Variants in TENM4 observed in about 807,000 individuals in gnomAD.
The protein encoded by TENM4 is teneurin-4.
TENM4 carries 82 observed loss-of-function variants against 243.3 expected under a neutral mutation model. The ratio of observed to expected loss-of-function variants is 0.34; its 90% CI spans 0.28 to 0.40. The LOEUF (loss-of-function observed/expected upper bound fraction) is 0.40. TENM4 is among the 10% of genes least tolerant of loss of function. The pLI is 1.00. For synonymous variants in TENM4, 1,412 were observed against 1,456.3 expected (o/e 0.97, Z 0.69); for missense variants, 3,138 against 3,673.3 (o/e 0.85, Z 3.77).
Position 78,764,966 on chromosome 11 carries a change from C to T in TENM4, c.2539+6026G>A, listed in dbSNP as rs114615273. ...TGGGCGGGGGCAAGGTGGGGCAATC[C>T]GTGGCCTAGTAAACTCTTTGTACTG... On this transcript the variant is annotated intron_variant, in intron 18 of 33. Transcript: ENST00000278550. Among the ~76,000 whole-genome samples the T allele has an allele frequency of 9.3e-3, 1,422 of 152,216 alleles. 14 individuals are homozygous for T. The highest frequency in any genetic ancestry group is 0.032 in the African/African-American group (1,316 of 41,536).
intron 1 of TENM4, among the ~76,000 whole-genome samples, chr11:79,406,543 A>C (rs182890905): frequency 2.6e-5 from 4 of 152,210 alleles, no homozygotes; most frequent in African/African-American, 9.7e-5. Context: ...GTGAAACAAG[A>C]CTTTCTCACC....
intron 7 of TENM4, among the ~76,000 whole-genome samples, chr11:78,891,588 G>A (rs1260831488): frequency 6.6e-6 from 1 of 152,188 alleles, no homozygotes; most frequent in African/African-American, 2.4e-5. Context: ...GTTCTCACTG[G>A]AGAGGACTGA....
chr11:79,255,925 T>C (rs1270661606), intron 2 of TENM4, among the ~76,000 whole-genome samples: 1 of 152,174 alleles, frequency 6.6e-6, no homozygotes, highest in Non-Finnish European at 1.5e-5. Context: ...CAGTCTTTGC[T>C]CCTCCAGCTC....
At chr11:78,946,595 T>C (rs1385789800) in intron 6 of TENM4, among the ~76,000 whole-genome samples, 11 of 152,208 alleles carry the variant, frequency 7.2e-5, no homozygotes, top group Non-Finnish European at 1.6e-4. Flanking sequence ...TATAAGACTA[T>C]AGCTGCCATA....
chr11:79,265,025 G>A (rs1397078024), intron 2 of TENM4, among the ~76,000 whole-genome samples: 1 of 152,210 alleles, frequency 6.6e-6, no homozygotes, highest in Non-Finnish European at 1.5e-5. Context: ...GCCTGTAGAC[G>A]AAGCATAACA....
intron 27 of TENM4, among the ~76,000 whole-genome samples, chr11:78,707,368 G>A (rs770674029): frequency 3.9e-5 from 6 of 152,220 alleles, no homozygotes; most frequent in Non-Finnish European, 8.8e-5. Flanking sequence ...CTAAGGACAT[G>A]CTGGATAGCC....
chr11:79,129,773 C>T (rs1294879034), intron 4 of TENM4, among the ~76,000 whole-genome samples: 5 of 152,140 alleles, frequency 3.3e-5, no homozygotes, highest in Non-Finnish European at 7.3e-5. Context: ...CTAGCCCTGC[C>T]CCCGACCTGA....
intron 1 of TENM4, among the ~76,000 whole-genome samples, chr11:79,337,941 C>T (rs1857174935): frequency 6.6e-6 from 1 of 152,222 alleles, no homozygotes; most frequent in Non-Finnish European, 1.5e-5. Context: ...AGGGTCCTTC[C>T]TCCATGGCCC....
chr11:78,869,215 T>C (rs1859062814), intron 9 of TENM4, among the ~76,000 whole-genome samples: 1 of 149,698 alleles, frequency 6.7e-6, no homozygotes. Context: ...GGATGGAATA[T>C]AAGGCAATCA....
chr11:78,815,982 G>A (rs1202619818), intron 12 of TENM4, among the ~76,000 whole-genome samples: 1 of 152,222 alleles, frequency 6.6e-6, no homozygotes, highest in East Asian at 1.9e-4. Flanking sequence ...GGGGAAATGA[G>A]CAAGGCAGAT....
intron 2 of TENM4, among the ~76,000 whole-genome samples, chr11:79,264,590 A>G (rs770032092): frequency 3.3e-5 from 5 of 152,056 alleles, no homozygotes; most frequent in African/African-American, 4.8e-5. Flanking sequence ...TGGGGAAAAC[A>G]TCAGTGGGTT....
intron 24 of TENM4, among the ~76,000 whole-genome samples, chr11:78,721,745 C>T (rs1859658830): frequency 1.3e-5 from 2 of 152,198 alleles, no homozygotes; most frequent in African/African-American, 4.8e-5. Context: ...TAGGGCCTGT[C>T]CTGCTCACAT....
chr11:78,913,620 TGTGTGTGTGA>T (rs1444892639), intron 6 of TENM4, among the ~76,000 whole-genome samples: 317 of 148,216 alleles, frequency 2.1e-3, no homozygotes, highest in Admixed American at 4.1e-3. Context: ...TGTGTGTGTG[TGTGTGTGTGA>T]GTGTCGGGGG....
intron 6 of TENM4, among the ~76,000 whole-genome samples, chr11:78,971,850 G>T (rs1565149439): frequency 6.6e-6 from 1 of 152,238 alleles, no homozygotes; most frequent in East Asian, 1.9e-4. Context: ...GCTTCCTTGT[G>T]TAATGAAGGG....
At chr11:79,131,279 GAAA>G (rs1341459044) in intron 4 of TENM4, among the ~76,000 whole-genome samples, 1 of 152,170 alleles carries the variant, frequency 6.6e-6, no homozygotes, top group Non-Finnish European at 1.5e-5. Context: ...CTGTGAGACA[GAAA>G]CACGAGGTAA....
At chr11:78,741,557 T>G (rs1440052460) in intron 19 of TENM4, among the ~76,000 whole-genome samples, 2 of 152,346 alleles carry the variant, frequency 1.3e-5, no homozygotes, top group East Asian at 1.9e-4. Flanking sequence ...GTAGTAAGTT[T>G]TGAGTATTTA....
rs561230467 is a variant in TENM4, at chr11:78,827,340, C to T, written c.1682-12945G>A. Among the ~76,000 whole-genome samples the T allele has an allele frequency of 2.1e-4, 32 of 152,196 alleles. No homozygotes were observed. The South Asian group carries it at 6.4e-3, about 31-fold the overall frequency. On this transcript the variant is annotated intron_variant, in intron 12 of 33. Coordinates refer to ENST00000278550, the MANE Select transcript of TENM4 (RefSeq NM_001098816.3). Reference sequence around the variant, plus strand: ...TTCTCATGCCCTCTTTGTGCTGCTGCCAAATTACTCCCCACCTGAACCCAC... The same window carrying T: ...TTCTCATGCCCTCTTTGTGCTGCTGTCAAATTACTCCCCACCTGAACCCAC...
chr11:78,998,262 A>C (rs536389212), intron 6 of TENM4, among the ~76,000 whole-genome samples: 39 of 152,338 alleles, frequency 2.6e-4, no homozygotes, highest in Non-Finnish European at 5.1e-4. Flanking sequence ...GTCAGTTTCA[A>C]GCTGGAGGAC....
At chr11:79,124,887 A>ATGTGTGTGTGTG (rs750326710) in intron 4 of TENM4, among the ~76,000 whole-genome samples, 184 of 74,428 alleles carry the variant, frequency 2.5e-3, no homozygotes, top group Middle Eastern at 7.9e-3. Flanking sequence ...ATATATGTAT[A>ATGTGTGTGTGTG]TGTATATGTG....
Sources: gnomAD v4.1 joint callset for allele counts (sites outside exome capture counted in the v4.1 genomes callset) on GRCh38, gnomAD v4.1.1 for gene constraint, MANE v1.5 for transcripts, NCBI Gene and HGNC (gene_info 2026-07-23, HGNC 2026-07-21) for gene names.